Variants in UFSP2 observed in about 807,000 individuals in gnomAD.
UFSP2 encodes ufm1-specific protease 2.
A neutral mutation model predicts 60.2 loss-of-function variants in UFSP2; 43 were observed. That is an observed-to-expected ratio of 0.71 (90% CI 0.56 to 0.92). The LOEUF is 0.92. Ranked by LOEUF, UFSP2 falls within the 40% of genes least tolerant of loss-of-function variation. UFSP2 has a pLI of 0.00. For missense variants in UFSP2, 520 were observed against 575.0 expected (o/e 0.90, Z 0.98); for synonymous variants, 183 against 195.1 (o/e 0.94, Z 0.52).
Position 185,400,699 on chromosome 4 carries a change from A to G in UFSP2, c.1324-221T>C, listed in dbSNP as rs916996824. ...TCTATGTATGTAATTCATCATAAAA[A>G]TCATTAAAAAAAATTTACCTGTAAC... On this transcript the variant is annotated intron_variant, in intron 11 of 11. Transcript: ENST00000264689. The G allele has an allele frequency of 1.8e-5, 7 of 389,164 alleles. No homozygotes were observed. In the Admixed American group the frequency reaches 3.0e-4, roughly 17 times the overall value. The allele number at this position is 389,164 out of a possible 1,614,324, so 24.1% of individuals were successfully genotyped here. A position where few individuals can be genotyped will look rare whatever the true frequency, so the allele number is the denominator to read the frequency against.
In UFSP2 at chr4:185,407,987, T is replaced by G; in HGVS notation, c.1070A>C (p.Gln357Pro). ...SRQWIGSIEVQLVLNQLIGIT... is the reference protein window; with the variant it reads ...SRQWIGSIEVPLVLNQLIGIT... The stretch of plus-strand genomic sequence containing the variant: ...ACCGATCAATTGGTTTAGTACCAGC[T>G]GCACCTCAATAGATCCAATCCATTG... The change falls in exon 9 of 12, where the codon CAG becomes CCG. Residue 357 changes from glutamine to proline, a missense_variant. Coordinates refer to ENST00000264689, the MANE Select transcript of UFSP2 (RefSeq NM_018359.5). The G allele has an allele frequency of 6.2e-7, 1 of 1,614,210 alleles. No homozygotes were observed. Among genetic ancestry groups the G allele is most frequent in the Non-Finnish European group, 8.5e-7 (1 of 1,180,024 alleles).
intron 1 of UFSP2, 114 bp from the exon 2 acceptor site, chr4:185,422,677 A>C: frequency 1.4e-6 from 1 of 740,542 alleles, no homozygotes; most frequent in South Asian, 2.2e-5. Flanking sequence ...GATTCTTCAA[A>C]TTATTTCATG....
At position 185,425,899 on chromosome 4, in the gene UFSP2, A is replaced by T. The variant is rs1209071797; in HGVS notation, c.-31T>A. 1 of 1,592,638 alleles carries T rather than the reference A, an allele frequency of 6.3e-7. No homozygotes were observed. ...CGACGTGGCGGTGACACGGGCGCTG[A>T]CGCCTGCCCAAAAGTTCCGGGGGCC... On this transcript the variant is annotated 5_prime_UTR_variant, in exon 1 of 12. Coordinates refer to ENST00000264689, the MANE Select transcript of UFSP2 (RefSeq NM_018359.5).
Position 185,400,285 on chromosome 4 carries a change from AT to A in UFSP2, c.*106del, listed in dbSNP as rs1317785863. On this transcript the variant is annotated 3_prime_UTR_variant, in exon 12 of 12. Coordinates refer to ENST00000264689, the MANE Select transcript of UFSP2 (RefSeq NM_018359.5). ...TTTACAACCTTTGAAAAAGGTCATA[AT>A]TTAAATCGTCAAACTAGAACCAGGA... 1.0e-6 allele frequency: 1 copy of A among 966,250 alleles called. No homozygotes were observed. The highest frequency in any genetic ancestry group is 1.5e-6 in the Non-Finnish European group (1 of 646,226). The allele number at this position is 966,250 out of a possible 1,614,324, so 59.9% of individuals were successfully genotyped here. A position where few individuals can be genotyped will look rare whatever the true frequency, so the allele number is the denominator to read the frequency against.
chr4:185,405,955 T>A, intron 9 of UFSP2, 99 bp from the exon 10 acceptor site: 1 of 1,586,798 alleles, frequency 6.3e-7, no homozygotes, highest in Non-Finnish European at 8.6e-7. Context: ...TTTTTTCGGG[T>A]GTTACTGAAA....
intron 11 of UFSP2, chr4:185,402,176 A>T: frequency 2.8e-6 from 1 of 357,532 alleles, no homozygotes; most frequent in South Asian, 2.1e-5. Context: ...TAGCTCCCGA[A>T]AAACCTCGTG....
At chr4:185,421,130 A>G (rs764462031) in intron 2 of UFSP2, among the ~76,000 whole-genome samples, 5 of 152,156 alleles carry the variant, frequency 3.3e-5, no homozygotes, top group Non-Finnish European at 7.4e-5. Flanking sequence ...AAGCTGACTG[A>G]TGCCTGGGTC....
intron 7 of UFSP2, 135 bp from the exon 8 acceptor site, chr4:185,408,570 A>C: frequency 1.1e-6 from 1 of 917,792 alleles, no homozygotes. Flanking sequence ...GCCTTCACAG[A>C]TCTATGGTTT....
chr4:185,400,685 A>T (rs1469881782), intron 11 of UFSP2: 3 of 398,610 alleles, frequency 7.5e-6, no homozygotes, highest in Non-Finnish European at 1.3e-5. Context: ...CTATGTATGT[A>T]ATTCATCATA....
intron 11 of UFSP2, among the ~76,000 whole-genome samples, chr4:185,401,374 T>C (rs1561105384): frequency 3.3e-5 from 5 of 152,226 alleles, no homozygotes; most frequent in Non-Finnish European, 5.9e-5. Flanking sequence ...AAATCTGTTC[T>C]CTTAACAGAC....
At chr4:185,407,888 A>G in intron 9 of UFSP2, 48 bp downstream of exon 9, 1 of 1,559,254 alleles carries the variant, frequency 6.4e-7, no homozygotes, top group Non-Finnish European at 8.7e-7. Context: ...TTAAAATGAC[A>G]GACTGTCACT....
At chr4:185,422,700 G>T in intron 1 of UFSP2, 137 bp from the exon 2 acceptor site, 7 of 654,940 alleles carry the variant, frequency 1.1e-5, no homozygotes, top group African/African-American at 1.9e-5. Flanking sequence ...TTAATTCCTT[G>T]TTTTATAGAA....
At chr4:185,425,635 G>T (rs888948354) in intron 1 of UFSP2, among the ~76,000 whole-genome samples, 1 of 152,248 alleles carries the variant, frequency 6.6e-6, no homozygotes, top group African/African-American at 2.4e-5. Context: ...GAAGTAGCAG[G>T]GGGTGCGTGT....
At chr4:185,412,939 A>G (rs1388045266) in intron 7 of UFSP2, among the ~76,000 whole-genome samples, 1 of 152,102 alleles carries the variant, frequency 6.6e-6, no homozygotes, top group Non-Finnish European at 1.5e-5. Flanking sequence ...TATTTGAGCT[A>G]CCTTTAGGGA....
rs370248604 is a variant in UFSP2, at chr4:185,400,385, A to T, written c.*7T>A. The T allele has an allele frequency of 3.1e-6, 5 of 1,606,480 alleles. No individual in the cohort carries two copies. The African/African-American group carries it at 5.4e-5, about 17-fold the overall frequency. On this transcript the variant is annotated 3_prime_UTR_variant, in exon 12 of 12. Transcript: ENST00000264689. Reference sequence around the variant, plus strand: ...CACTCTACTGCAGTCTTTGACTCCAAGATATTTTAAATCATATTTGGTCGC... The same window carrying T: ...CACTCTACTGCAGTCTTTGACTCCATGATATTTTAAATCATATTTGGTCGC...
chr4:185,425,890 C>G lies in UFSP2; in HGVS notation c.-22G>C, dbSNP rs550436163. 5.6e-6 allele frequency: 9 copies of G among 1,596,190 alleles called. No homozygotes were observed. Among genetic ancestry groups the G allele is most frequent in the South Asian group, 1.1e-5 (1 of 88,374 alleles). On this transcript the variant is annotated 5_prime_UTR_variant, in exon 1 of 12. Coordinates refer to ENST00000264689, the MANE Select transcript of UFSP2 (RefSeq NM_018359.5). ...CCATGTCCGCGACGTGGCGGTGACA[C>G]GGGCGCTGACGCCTGCCCAAAAGTT...
intron 7 of UFSP2, among the ~76,000 whole-genome samples, chr4:185,411,400 C>T (rs570117302): frequency 2.6e-5 from 4 of 152,066 alleles, no homozygotes; most frequent in African/African-American, 7.2e-5. Flanking sequence ...ATTAACCTAA[C>T]TAATTTAGTA....
rs765293915 is a variant in UFSP2, at chr4:185,422,480, C to T, written c.82+5G>A. The T allele has an allele frequency of 1.7e-4, 274 of 1,603,582 alleles. No individual in the cohort carries two copies. The highest frequency in any genetic ancestry group is 2.2e-4 in the Non-Finnish European group (258 of 1,175,690). ...TAATAAAAAAGAATTTTTCAGAAGACCTACCATTAGGAGTAGCTAGCTGAA... is the reference window on the plus strand; with the variant it reads ...TAATAAAAAAGAATTTTTCAGAAGATCTACCATTAGGAGTAGCTAGCTGAA... On this transcript the variant is annotated splice_donor_5th_base_variant and intron_variant, in intron 2 of 11. Transcript: ENST00000264689.
At chr4:185,407,335 T>G (rs945916634) in intron 9 of UFSP2, among the ~76,000 whole-genome samples, 5 of 152,170 alleles carry the variant, frequency 3.3e-5, no homozygotes, top group African/African-American at 9.6e-5. Flanking sequence ...ATTACAGGCG[T>G]GAGCCACTGC....
Sources: gnomAD v4.1 joint callset for allele counts (sites outside exome capture counted in the v4.1 genomes callset) on GRCh38, gnomAD v4.1.1 for gene constraint, MANE v1.5 for transcripts, NCBI Gene and HGNC (gene_info 2026-07-23, HGNC 2026-07-21) for gene names.